The following OPCML variants were observed in gnomAD, a reference collection of about 807,000 sequenced individuals.
OPCML encodes the protein opioid binding protein/cell adhesion molecule like.
A neutral mutation model predicts 37.8 loss-of-function variants in OPCML; 13 were observed. The observed-to-expected ratio is 0.34, with a 90% CI of 0.22 to 0.55. The LOEUF (loss-of-function observed/expected upper bound fraction) is 0.55, where lower values mean the gene tolerates loss of function less well. Among genes scored for constraint, OPCML ranks in the 20% least tolerant of loss-of-function variants. The probability of loss-of-function intolerance (pLI) is 0.91; values close to 1 mark genes in which losing one functional copy is unlikely to be tolerated. For missense variants in OPCML, 341 were observed against 435.6 expected, an observed-to-expected ratio of 0.78 and a Z score of 1.93; for synonymous variants, 176 against 168.8, an observed-to-expected ratio of 1.04 and a Z score of -0.33.
intron 1 of OPCML, among the ~76,000 whole-genome samples, chr11:132,949,965 C>T (rs1945823501): frequency 6.6e-6 from 1 of 152,108 alleles, no homozygotes; most frequent in South Asian, 2.1e-4. Context: ...GAAGAGGGAG[C>T]ATTTGACCTG....
At chr11:133,252,386 T>A (rs1941162800) in intron 1 of OPCML, among the ~76,000 whole-genome samples, 1 of 152,166 alleles carries the variant, frequency 6.6e-6, no homozygotes, top group Non-Finnish European at 1.5e-5. Context: ...AAAATCACAT[T>A]TTCCTCCCCT....
At chr11:132,564,735 A>G (rs951973172) in intron 3 of OPCML, among the ~76,000 whole-genome samples, 1 of 152,142 alleles carries the variant, frequency 6.6e-6, no homozygotes, top group Non-Finnish European at 1.5e-5. Flanking sequence ...AAAAAAAAGC[A>G]GCAATTCTGG....
chr11:132,774,859 C>T (rs892322668), intron 2 of OPCML, among the ~76,000 whole-genome samples: 9 of 152,174 alleles, frequency 5.9e-5, no homozygotes, highest in Admixed American at 2.0e-4. Context: ...AATAGCATCA[C>T]ACTGACCACA....
chr11:132,840,468 C>T (rs984630602), intron 2 of OPCML, among the ~76,000 whole-genome samples: 2 of 152,076 alleles, frequency 1.3e-5, no homozygotes, highest in Non-Finnish European at 2.9e-5. Context: ...TTCATATTGG[C>T]CCTGCAGGAA....
intron 1 of OPCML, chr11:133,006,171 C>T: frequency 1.0e-6 from 1 of 966,630 alleles, no homozygotes; most frequent in Non-Finnish European, 1.2e-6. Flanking sequence ...GAGGTCGAGC[C>T]TTGGGAAGTT....
chr11:132,482,726 G>C lies in OPCML; in HGVS notation c.506-45367C>G, dbSNP rs527521565. 7.9e-4 allele frequency among the ~76,000 whole-genome samples: 120 copies of C among 152,182 alleles called. No homozygotes were observed. The East Asian group carries it at 7.9e-3, about 10-fold the overall frequency. On this transcript the variant is annotated intron_variant, in intron 4 of 7. Transcript: ENST00000524381. Reference sequence around the variant, plus strand: ...CATCAAAAAGCTTATCCACCATGATGAAGTGGGCTTCATCCCTGGGATGCA... The same window carrying C: ...CATCAAAAAGCTTATCCACCATGATCAAGTGGGCTTCATCCCTGGGATGCA...
intron 1 of OPCML, among the ~76,000 whole-genome samples, chr11:133,372,176 A>C (rs529321754): frequency 1.2e-4 from 19 of 152,184 alleles, no homozygotes; most frequent in Non-Finnish European, 2.4e-4. Context: ...AGAAAAGAGG[A>C]CTTGAAATGT....
chr11:133,417,491 A>ATTTT (rs576529644), intron 1 of OPCML, among the ~76,000 whole-genome samples: 1 of 149,866 alleles, frequency 6.7e-6, no homozygotes, highest in African/African-American at 2.5e-5. Context: ...TTATTTATTT[A>ATTTT]TTATTATTAT....
At chr11:133,184,679 C>T (rs1334680640) in intron 1 of OPCML, among the ~76,000 whole-genome samples, 2 of 152,148 alleles carry the variant, frequency 1.3e-5, no homozygotes, top group African/African-American at 4.8e-5. Flanking sequence ...TACTTCCGTT[C>T]AGTAGGACAG....
intron 2 of OPCML, among the ~76,000 whole-genome samples, chr11:132,735,496 T>TTG (rs1565819760): frequency 3.9e-4 from 59 of 152,238 alleles, no homozygotes; most frequent in African/African-American, 1.3e-3. Context: ...TGTTGTTGTT[T>TTG]TTTTTCTTGA....
At chr11:132,668,690 GCCTTCT>G (rs1396911615) in intron 2 of OPCML, among the ~76,000 whole-genome samples, 1 of 152,154 alleles carries the variant, frequency 6.6e-6, no homozygotes, top group African/African-American at 2.4e-5. Flanking sequence ...CAGTTCTGAT[GCCTTCT>G]CCTTCTGTAC....
intron 1 of OPCML, among the ~76,000 whole-genome samples, chr11:133,462,782 A>G (rs899180859): frequency 6.6e-6 from 1 of 152,206 alleles, no homozygotes; most frequent in Non-Finnish European, 1.5e-5. Context: ...GTGATTCCTC[A>G]AAAAATTAAG....
chr11:133,497,868 C>A (rs1382019698), intron 1 of OPCML, among the ~76,000 whole-genome samples: 1 of 152,232 alleles, frequency 6.6e-6, no homozygotes, highest in African/African-American at 2.4e-5. Context: ...TGGGTCACCT[C>A]TGAGTCCCGG....
intron 1 of OPCML, among the ~76,000 whole-genome samples, chr11:133,060,769 C>T (rs529542883): frequency 1.3e-5 from 2 of 152,352 alleles, no homozygotes; most frequent in South Asian, 4.1e-4. Flanking sequence ...GAACGCTGCA[C>T]ACAGCAGCCC....
intron 1 of OPCML, among the ~76,000 whole-genome samples, chr11:132,982,720 T>C (rs762099391): frequency 6.6e-6 from 1 of 152,186 alleles, no homozygotes; most frequent in Non-Finnish European, 1.5e-5. Context: ...CTGTTACTGA[T>C]ATTTGCAGGC....
Position 132,541,057 on chromosome 11 carries a change from C to T in OPCML, c.380-11871G>A, listed in dbSNP as rs564804036. ...CACAGAATTTTCAAGTCAAAATAGACGTTAGGGATGCCCCTCGCTCTACCT... is the reference window on the plus strand; with the variant it reads ...CACAGAATTTTCAAGTCAAAATAGATGTTAGGGATGCCCCTCGCTCTACCT... On this transcript the variant is annotated intron_variant, in intron 3 of 7. Transcript: ENST00000524381. Among the ~76,000 whole-genome samples, 33 of 152,226 alleles carry T rather than the reference C, an allele frequency of 2.2e-4. No individual in the cohort carries two copies. The South Asian group carries it at 5.0e-3, about 23-fold the overall frequency.
chr11:132,868,228 TG>T (rs1159358839), intron 2 of OPCML, among the ~76,000 whole-genome samples: 2 of 151,036 alleles, frequency 1.3e-5, no homozygotes, highest in Non-Finnish European at 2.9e-5. Context: ...ATAGAAATGA[TG>T]AGAGGAATGG....
chr11:133,362,439 A>G (rs951027929), intron 1 of OPCML, among the ~76,000 whole-genome samples: 1 of 152,072 alleles, frequency 6.6e-6, no homozygotes, highest in African/African-American at 2.4e-5. Context: ...GAGCCCATCC[A>G]CCACCCAGGG....
chr11:133,225,145 C>A (rs914697809), intron 1 of OPCML, among the ~76,000 whole-genome samples: 1 of 152,160 alleles, frequency 6.6e-6, no homozygotes, highest in East Asian at 1.9e-4. Context: ...TTCACAGTAG[C>A]TCATATTCTC....
Sources: gnomAD v4.1 joint callset for allele counts (sites outside exome capture counted in the v4.1 genomes callset) on GRCh38, gnomAD v4.1.1 for gene constraint, MANE v1.5 for transcripts, NCBI Gene and HGNC (gene_info 2026-07-23, HGNC 2026-07-21) for gene names.